The following PHIP variants were observed in gnomAD, a reference collection of about 807,000 sequenced individuals.
PHIP encodes the protein PHIP subunit of CUL4-Ring ligase complex, also known as PH-interacting protein.
Under a neutral mutation model 236.8 loss-of-function variants are expected in PHIP, and 54 were observed. The ratio of observed to expected loss-of-function variants is 0.23; its 90% CI spans 0.18 to 0.29. PHIP has a LOEUF of 0.29. Among genes scored for constraint, PHIP ranks in the 10% least tolerant of loss-of-function variants. The pLI, the probability that PHIP is intolerant of heterozygous loss-of-function variation, is 1.00. For missense variants in PHIP, 1,370 were observed against 2,190.8 expected (o/e 0.63, Z 7.48); for synonymous variants, 756 against 718.9 (o/e 1.05, Z -0.83).
rs1448948582 is a variant in PHIP at position 78,938,871 on chromosome 6, G to A, written c.*1822C>T. 2 of 151,478 alleles carry A rather than the reference G, an allele frequency of 1.3e-5. No individual in the cohort carries two copies. The highest frequency in any genetic ancestry group is 2.1e-4 in the South Asian group (1 of 4,824). 9.4% of individuals were successfully genotyped at this position (151,478 alleles called of 1,614,324 possible). A position where few individuals can be genotyped will look rare whatever the true frequency, so the allele number is the denominator to read the frequency against. ...AATGTATCACTTTTTCATTCTTCACGACAGTTAAATGACAGCTAATATTTA... is the reference window on the plus strand; with the variant it reads ...AATGTATCACTTTTTCATTCTTCACAACAGTTAAATGACAGCTAATATTTA... On this transcript the variant is annotated 3_prime_UTR_variant, in exon 40 of 40. Transcript: ENST00000275034.
chr6:78,935,398 C>A lies in PHIP; in HGVS notation c.*5295G>T. 3.4e-6 allele frequency: 2 copies of A among 582,938 alleles called. No homozygotes were observed. The highest frequency in any genetic ancestry group is 4.3e-6 in the Non-Finnish European group (2 of 462,570). The allele number at this position is 582,938 out of a possible 1,614,324, so 36.1% of individuals were successfully genotyped here. ...ATTCTTAGTCAATAAAAATGCATGC[C>A]AATCTGACAAAATTTCTAGGAAAAC... is the stretch of plus-strand genomic sequence containing the variant. On this transcript the variant is annotated 3_prime_UTR_variant, in exon 40 of 40. Transcript: ENST00000275034.
chr6:79,030,783 A>G (rs1222529095), intron 7 of PHIP, among the ~76,000 whole-genome samples: 2 of 151,762 alleles, frequency 1.3e-5, no homozygotes, highest in Non-Finnish European at 2.9e-5. Context: ...TTTTATCTGG[A>G]AAACTATGAA....
chr6:78,937,247 A>G lies in PHIP; in HGVS notation c.*3446T>C, dbSNP rs892094430. ...AAAAGTTGCTTCTAGCTGACATTTG[A>G]GAGAGATATACAGTAGGTATATATG... On this transcript the variant is annotated 3_prime_UTR_variant, in exon 40 of 40. Transcript: ENST00000275034. The G allele has an allele frequency of 2.6e-5, 4 of 151,794 alleles. No individual in the cohort carries two copies. The highest frequency in any genetic ancestry group is 5.9e-5 in the Non-Finnish European group (4 of 67,692). The allele number at this position is 151,794 out of a possible 1,614,324, so 9.4% of individuals were successfully genotyped here. A position where few individuals can be genotyped will look rare whatever the true frequency, so the allele number is the denominator to read the frequency against.
chr6:78,945,273 T>A (rs1773739514), intron 39 of PHIP, 27 bp downstream of exon 39: 1 of 1,470,126 alleles, frequency 6.8e-7, no homozygotes, highest in Non-Finnish European at 9.5e-7. Flanking sequence ...ATCTACTGTA[T>A]CTTGAAAGAT....
chr6:79,003,541 T>A (rs1441579573), intron 16 of PHIP, among the ~76,000 whole-genome samples, 189 bp downstream of exon 16: 1 of 152,018 alleles, frequency 6.6e-6, no homozygotes, highest in African/African-American at 2.4e-5. Flanking sequence ...ATAAGCCCTA[T>A]TAAAGTGAGA....
chr6:79,024,852 A>T (rs956024828), intron 9 of PHIP, among the ~76,000 whole-genome samples: 4 of 152,306 alleles, frequency 2.6e-5, no homozygotes, highest in Non-Finnish European at 5.9e-5. Context: ...TATAGAAAGC[A>T]TCAAAGGGCA....
intron 17 of PHIP, among the ~76,000 whole-genome samples, chr6:79,001,144 ATAG>A (rs1420673672): frequency 2.6e-5 from 4 of 152,110 alleles, no homozygotes; most frequent in African/African-American, 4.8e-5. Flanking sequence ...GTCTAAAAAT[ATAG>A]TAGAAGTATT....
chr6:78,982,570 G>A (rs1278169944), intron 23 of PHIP, among the ~76,000 whole-genome samples: 1 of 151,942 alleles, frequency 6.6e-6, no homozygotes, highest in East Asian at 1.9e-4. Context: ...TACACTATAT[G>A]TTTTGTATCA....
At position 79,025,689 on chromosome 6, in the gene PHIP, C is replaced by T. The variant is rs1451538640; in HGVS notation, c.823-70G>A. ...AGTCAAAATAAAATCTACTTTTTGC[C>T]ATACAAATAGCAACTAACAACAACA... On this transcript the variant is annotated intron_variant, in intron 8 of 39. Coordinates refer to ENST00000275034, the MANE Select transcript of PHIP (RefSeq NM_017934.7). 3.0e-6 allele frequency: 3 copies of T among 1,000,824 alleles called. No homozygotes were observed. In the African/African-American group the frequency reaches 4.9e-5, roughly 16 times the overall value. 62.0% of individuals were successfully genotyped at this position (1,000,824 alleles called of 1,614,324 possible).
At chr6:78,970,547 A>G (rs544200564) in intron 25 of PHIP, among the ~76,000 whole-genome samples, 2 of 152,316 alleles carry the variant, frequency 1.3e-5, no homozygotes, top group African/African-American at 4.8e-5. Flanking sequence ...AATTTTCACT[A>G]TAACTAAATT....
intron 10 of PHIP, among the ~76,000 whole-genome samples, chr6:79,018,882 CAT>C (rs1460658570): frequency 6.6e-6 from 1 of 152,034 alleles, no homozygotes; most frequent in East Asian, 1.9e-4. Flanking sequence ...GAAAAACAGT[CAT>C]GTGATTATAT....
rs1772058197 is a variant in PHIP at position 79,038,581 on chromosome 6, G to T, written c.600+4262C>A. Among the ~76,000 whole-genome samples the T allele has an allele frequency of 2.6e-5, 4 of 152,168 alleles. No homozygotes were observed. In the South Asian group the frequency reaches 8.3e-4, roughly 32 times the overall value. On this transcript the variant is annotated intron_variant, in intron 7 of 39. Transcript: ENST00000275034. ...GCCTTTCATGAAATTCTCATCTCCT[G>T]GCTTCTAAGACACCACTCTTCTTTT...
chr6:79,047,903 C>T (rs944366641), intron 6 of PHIP, among the ~76,000 whole-genome samples: 8 of 151,850 alleles, frequency 5.3e-5, no homozygotes, highest in African/African-American at 1.9e-4. Context: ...ATTTTTTCTT[C>T]CTCAAGTAAC....
chr6:79,070,609 A>G (rs1384926700), intron 4 of PHIP, among the ~76,000 whole-genome samples: 3 of 152,198 alleles, frequency 2.0e-5, no homozygotes, highest in African/African-American at 4.8e-5. Context: ...ACCATGACAC[A>G]TGACCATGGG....
intron 6 of PHIP, among the ~76,000 whole-genome samples, chr6:79,050,276 C>T (rs993530445): frequency 1.3e-5 from 2 of 152,152 alleles, no homozygotes; most frequent in African/African-American, 4.8e-5. Flanking sequence ...GAGTGTTTTA[C>T]TACATGCCAG....
chr6:79,068,909 C>G (rs1020895045), intron 4 of PHIP, among the ~76,000 whole-genome samples: 2 of 152,030 alleles, frequency 1.3e-5, no homozygotes, highest in Non-Finnish European at 2.9e-5. Flanking sequence ...CTGTTTGGCA[C>G]CAGTATCATT....
Position 78,990,982 on chromosome 6 carries a change from CCTA to C in PHIP, c.2202_2204del (p.Ser734del). Reference sequence around the variant, plus strand: ...CCTTTGCAGTTCTCCATTCTTCTTGCCTACTGAAAGACAAAAGCCATATGCATT... The same window carrying C: ...CCTTTGCAGTTCTCCATTCTTCTTGCCTGAAAGACAAAAGCCATATGCATT... On this transcript the variant is annotated inframe_deletion and splice_region_variant, in exon 20 of 40. Transcript: ENST00000275034. 6.3e-7 allele frequency: 1 copy of C among 1,589,924 alleles called. No individual in the cohort carries two copies. The highest frequency in any genetic ancestry group is 8.6e-7 in the Non-Finnish European group (1 of 1,162,006).
chr6:78,955,052 T>C, intron 34 of PHIP, 89 bp from the exon 35 acceptor site: 4 of 968,588 alleles, frequency 4.1e-6, no homozygotes, highest in Non-Finnish European at 6.0e-6. Flanking sequence ...AATTGGGTAA[T>C]ATACAATAAT....
At chr6:78,955,769 G>GGTTC (rs1766381993) in intron 32 of PHIP, 87 bp from the exon 33 acceptor site, 1 of 526,812 alleles carries the variant, frequency 1.9e-6, no homozygotes, top group African/African-American at 2.0e-5. Context: ...CATATTTTAA[G>GGTTC]GTAAAAGTTG....
Sources: allele counts gnomAD v4.1 joint callset (sites outside exome capture counted in the v4.1 genomes callset), GRCh38; gene constraint gnomAD v4.1.1; transcripts MANE v1.5; gene names NCBI Gene and HGNC (gene_info 2026-07-23, HGNC 2026-07-21).